The following DEF6 variants were observed in gnomAD, a reference collection of about 807,000 sequenced individuals.
DEF6 encodes differentially expressed in FDCP 6 homolog.
DEF6 carries 32 observed loss-of-function variants against 80.5 expected under a neutral mutation model. The ratio of observed to expected loss-of-function variants is 0.40; its 90% CI spans 0.30 to 0.53. The LOEUF is 0.53. Ranked by LOEUF, DEF6 falls within the 20% of genes least tolerant of loss-of-function variation. The probability of loss-of-function intolerance (pLI) is 0.57; values close to 1 mark genes in which losing one functional copy is unlikely to be tolerated. For synonymous variants in DEF6, 300 were observed against 337.9 expected (o/e 0.89, Z 1.23); for missense variants, 575 against 818.7 (o/e 0.70, Z 3.63).
At chr6:35,309,863 T>A in intron 2 of DEF6, 53 bp downstream of exon 2, 1 of 1,602,144 alleles carries the variant, frequency 6.2e-7, no homozygotes, top group Non-Finnish European at 8.5e-7. Flanking sequence ...TTTTCCAGCC[T>A]GGCCAGCAGC....
At position 35,298,026 on chromosome 6, in the gene DEF6, T is replaced by G. The variant is rs1791262876; in HGVS notation, c.96+74T>G. 8 of 1,321,398 alleles carry G rather than the reference T, an allele frequency of 6.1e-6. No homozygotes were observed. The East Asian group carries it at 2.0e-4, about 33-fold the overall frequency. The allele number at this position is 1,321,398 out of a possible 1,614,324, so 81.9% of individuals were successfully genotyped here. On this transcript the variant is annotated intron_variant, in intron 1 of 10. Coordinates refer to ENST00000316637, the MANE Select transcript of DEF6 (RefSeq NM_022047.4). Reference sequence around the variant, plus strand: ...GCCCCTGCCGCCTGGGAGCCAGGTGTGGACACTGTGCCACTCCAGGGGCAC... The same window carrying G: ...GCCCCTGCCGCCTGGGAGCCAGGTGGGGACACTGTGCCACTCCAGGGGCAC...
In DEF6 at chr6:35,312,366, A is replaced by T. The variant is rs1791478476; in HGVS notation, c.488A>T (p.Glu163Val). Residue 163 changes from glutamate to valine, a missense_variant, in exon 4 of 11, where the codon GAG becomes GTG. Transcript: ENST00000316637. The surrounding 1 kb of genome is among the most constrained non-coding windows in gnomAD (Gnocchi z 6.6). Reference sequence around the variant, plus strand: ...TTGGAGGTGAGCTTGGGTGAGCTGGAGGAGCTTCTGGCCCAGGAGGCCCAG... The same window carrying T: ...TTGGAGGTGAGCTTGGGTGAGCTGGTGGAGCTTCTGGCCCAGGAGGCCCAG... ...MSLEVSLGELEELLAQEAQVA... is the reference protein window; with the variant it reads ...MSLEVSLGELVELLAQEAQVA... The T allele has an allele frequency of 6.2e-7, 1 of 1,614,042 alleles. No homozygotes were observed. Among genetic ancestry groups the T allele is most frequent in the Admixed American group, 1.7e-5 (1 of 60,012 alleles).
At chr6:35,307,894 C>T (rs186035256) in intron 1 of DEF6, among the ~76,000 whole-genome samples, 7 of 152,278 alleles carry the variant, frequency 4.6e-5, no homozygotes, top group South Asian at 4.1e-4. Flanking sequence ...ACAGTGCTAG[C>T]TCCTGCCTCC....
intron 1 of DEF6, among the ~76,000 whole-genome samples, chr6:35,302,755 A>G (rs1791331856): frequency 6.6e-6 from 1 of 152,282 alleles, no homozygotes; most frequent in Non-Finnish European, 1.5e-5. Flanking sequence ...GGAAACTCTG[A>G]GTCAGTAGGT....
intron 1 of DEF6, among the ~76,000 whole-genome samples, chr6:35,304,561 G>C (rs1791366778): frequency 6.6e-6 from 1 of 152,170 alleles, no homozygotes. Flanking sequence ...GAGGGATGAG[G>C]TCAGAGAAGG....
intron 5 of DEF6, among the ~76,000 whole-genome samples, chr6:35,314,407 CAAAAAAAA>C (rs34185807): frequency 1.0e-5 from 1 of 99,272 alleles, no homozygotes; most frequent in Non-Finnish European, 2.1e-5. Context: ...AACTCTATCT[CAAAAAAAA>C]AAAAAAAAAA....
At chr6:35,300,093 C>T (rs1035404839) in intron 1 of DEF6, among the ~76,000 whole-genome samples, 1 of 152,204 alleles carries the variant, frequency 6.6e-6, no homozygotes, top group Admixed American at 6.5e-5. Context: ...GCAGTCATAG[C>T]TCACGACAGC....
rs756742065 is a variant in DEF6, at chr6:35,317,877, C to T, written c.808-14C>T. The T allele has an allele frequency of 6.2e-7, 1 of 1,610,798 alleles. No homozygotes were observed. The highest frequency in any genetic ancestry group is 1.1e-5 in the South Asian group (1 of 90,576). On this transcript the variant is annotated splice_polypyrimidine_tract_variant and intron_variant, in intron 5 of 10. Transcript: ENST00000316637. ...GTGAGGCCAGCCTGGCTGCGGCCAC[C>T]TACCCTGTGCCAGGTGCTGCCAGAC...
In DEF6 at chr6:35,317,949, C is replaced by T. The variant is rs1455595263; in HGVS notation, c.866C>T (p.Thr289Met). 1 of 1,613,998 alleles carries T rather than the reference C, an allele frequency of 6.2e-7. No individual in the cohort carries two copies. The highest frequency in any genetic ancestry group is 1.1e-5 in the South Asian group (1 of 91,070). Reference sequence around the variant, plus strand: ...TTCTGTGTGAAGACAGCCAACCGCACGTATGAGATGAGCGCCTCAGACACG... The same window carrying T: ...TTCTGTGTGAAGACAGCCAACCGCATGTATGAGATGAGCGCCTCAGACACG... ...CMFCVKTANRTYEMSASDTRQ... is the reference protein window; with the variant it reads ...CMFCVKTANRMYEMSASDTRQ... Residue 289 changes from threonine (T) to methionine (M), a missense_variant, in exon 6 of 11, where the codon ACG becomes ATG. By Grantham distance (81) the Thr-to-Met change is moderately conservative. Transcript: ENST00000316637.
chr6:35,320,069 G>A (rs983956926), intron 9 of DEF6, 52 bp downstream of exon 9: 1 of 1,521,752 alleles, frequency 6.6e-7, no homozygotes, highest in Non-Finnish European at 8.9e-7. Context: ...GCTCATTAGG[G>A]CACAGGCTCT....
chr6:35,316,664 T>A (rs73409793), intron 5 of DEF6, among the ~76,000 whole-genome samples: 4 of 152,230 alleles, frequency 2.6e-5, no homozygotes, highest in Non-Finnish European at 5.9e-5. Flanking sequence ...TGATCATATA[T>A]GGTTTTTGCT....
chr6:35,314,390 G>A (rs1791501723), intron 5 of DEF6, among the ~76,000 whole-genome samples: 1 of 136,236 alleles, frequency 7.3e-6, no homozygotes, highest in African/African-American at 2.8e-5. Flanking sequence ...CTGGGTGACA[G>A]GAGTGAAACT....
chr6:35,318,340 C>G lies in DEF6; in HGVS notation c.1084C>G (p.Gln362Glu). 1 of 1,544,600 alleles carries G rather than the reference C, an allele frequency of 6.5e-7. No individual in the cohort carries two copies. Among genetic ancestry groups the G allele is most frequent in the Non-Finnish European group, 8.7e-7 (1 of 1,146,588 alleles). The change falls in exon 7 of 11, where the codon CAG (glutamine) becomes GAG (glutamate). Residue 362 changes from glutamine to glutamate, a missense_variant. Gln to Glu is a conservative substitution (Grantham distance 29). Coordinates refer to ENST00000316637, the MANE Select transcript of DEF6 (RefSeq NM_022047.4). This position sits in a 1 kb window ranked among gnomAD's most constrained non-coding sequence, Gnocchi z 5.1. ...QLQEEKERKL[Q>E]ELELLQEAQR... is the part of the protein sequence containing the mutation. ...GCAGGAGGAGAAGGAGCGGAAGCTGCAGGAGCTGGAGCTGCTGCAGGAGGC... is the reference window on the plus strand; with the variant it reads ...GCAGGAGGAGAAGGAGCGGAAGCTGGAGGAGCTGGAGCTGCTGCAGGAGGC...
At chr6:35,311,039 G>A (rs1267076727) in intron 3 of DEF6, among the ~76,000 whole-genome samples, 3 of 152,248 alleles carry the variant, frequency 2.0e-5, no homozygotes, top group Middle Eastern at 3.4e-3. Flanking sequence ...ACAAGGCAAG[G>A]GGAGACCTTT....
At chr6:35,306,958 T>C (rs760081065) in intron 1 of DEF6, among the ~76,000 whole-genome samples, 3 of 152,244 alleles carry the variant, frequency 2.0e-5, no homozygotes, top group Non-Finnish European at 4.4e-5. Context: ...GTGAAATCTT[T>C]CCAGCTACAT....
intron 1 of DEF6, among the ~76,000 whole-genome samples, chr6:35,300,603 T>C (rs1008199866): frequency 1.3e-5 from 2 of 152,352 alleles, no homozygotes; most frequent in South Asian, 2.1e-4. Context: ...CTTTCTCTCT[T>C]TGAATTCTTG....
At position 35,319,714 on chromosome 6, in the gene DEF6, G is replaced by T. The variant is rs969261846; in HGVS notation, c.1382+24G>T. The T allele has an allele frequency of 8.1e-6, 13 of 1,607,296 alleles. No individual in the cohort carries two copies. In the African/African-American group the frequency reaches 1.7e-4, roughly 22 times the overall value. On this transcript the variant is annotated intron_variant, in intron 8 of 10. Transcript: ENST00000316637. This position sits in a 1 kb window ranked among gnomAD's most constrained non-coding sequence, Gnocchi z 4.5. ...AGGTAGGCCTGAGGAACCTCTTCTGGTTCTCTCACCACCCCTCCTGGAACA... is the reference window on the plus strand; with the variant it reads ...AGGTAGGCCTGAGGAACCTCTTCTGTTTCTCTCACCACCCCTCCTGGAACA...
In DEF6 at chr6:35,321,664, G is replaced by A. The variant is rs1383908142; in HGVS notation, c.*254G>A. 5.2e-6 allele frequency: 2 copies of A among 383,336 alleles called. No homozygotes were observed. The highest frequency in any genetic ancestry group is 7.8e-5 in the East Asian group (2 of 25,534). 23.7% of individuals were successfully genotyped at this position (383,336 alleles called of 1,614,324 possible). On this transcript the variant is annotated 3_prime_UTR_variant, in exon 11 of 11. Transcript: ENST00000316637. ...CCCTGTGCTTTAGACCCAAGGACCC[G>A]ATTCTTGGGCTAGGAAAGAGAGAAC... is the stretch of plus-strand genomic sequence containing the variant.
At chr6:35,320,342 T>C (rs984485235) in intron 9 of DEF6, among the ~76,000 whole-genome samples, 3 of 152,222 alleles carry the variant, frequency 2.0e-5, no homozygotes, top group Non-Finnish European at 2.9e-5. Context: ...TTGCTATCCT[T>C]GTACTTTGGC....
Sources: allele counts gnomAD v4.1 joint callset (sites outside exome capture counted in the v4.1 genomes callset), GRCh38; gene constraint gnomAD v4.1.1; non-coding constraint Gnocchi (gnomAD v3.1); transcripts MANE v1.5; gene names NCBI Gene and HGNC (gene_info 2026-07-23, HGNC 2026-07-21).